ATXN10: variants seen among roughly 807,000 people sequenced by gnomAD.
ATXN10 encodes ataxin 10, also known as ataxin-10.
In ATXN10, 28 loss-of-function variants were observed where a neutral mutation model predicts 52.9. The ratio of observed to expected loss-of-function variants is 0.53; its 90% CI spans 0.39 to 0.73. ATXN10 has a LOEUF of 0.73. Ranked by LOEUF, ATXN10 falls within the 30% of genes least tolerant of loss-of-function variation. The pLI, the probability that ATXN10 is intolerant of heterozygous loss-of-function variation, is 0.00. For missense variants in ATXN10, 565 were observed against 577.0 expected (o/e 0.98, Z 0.21); for synonymous variants, 226 against 221.5 (o/e 1.02, Z -0.18).
chr22:45,789,630 G>A lies in ATXN10; in HGVS notation c.1174-17329G>A, dbSNP rs1425454768. ...GTTAATACAGCTCTCTCCACGACAAGAAGAAGAGAGGGAGAGCCTTCTAAC... is the reference window on the plus strand; with the variant it reads ...GTTAATACAGCTCTCTCCACGACAAAAAGAAGAGAGGGAGAGCCTTCTAAC... On this transcript the variant is annotated intron_variant, in intron 9 of 11. Coordinates refer to ENST00000252934, the MANE Select transcript of ATXN10 (RefSeq NM_013236.4). This position sits in a 1 kb window ranked among gnomAD's most constrained non-coding sequence, Gnocchi z 4.0. Among the ~76,000 whole-genome samples the A allele has an allele frequency of 3.3e-5, 5 of 152,208 alleles. No individual in the cohort carries two copies. Among genetic ancestry groups the A allele is most frequent in the Non-Finnish European group, 7.3e-5 (5 of 68,034 alleles).
chr22:45,720,316 CTTT>C (rs75983888), intron 6 of ATXN10, among the ~76,000 whole-genome samples: 1 of 140,876 alleles, frequency 7.1e-6, no homozygotes, highest in Non-Finnish European at 1.6e-5. Flanking sequence ...CTATTGTAAC[CTTT>C]TTTTTTTTTT....
At chr22:45,692,961 A>G in intron 2 of ATXN10, 35 bp from the exon 3 acceptor site, 1 of 1,568,616 alleles carries the variant, frequency 6.4e-7, no homozygotes, top group South Asian at 1.1e-5. Flanking sequence ...TGAATGAATG[A>G]ACATGTCTAA....
rs561684516 is a variant in ATXN10 at position 45,690,742 on chromosome 22, C to A, written c.308+839C>A. 5.9e-5 allele frequency among the ~76,000 whole-genome samples: 9 copies of A among 152,332 alleles called. No individual in the cohort carries two copies. The highest frequency in any genetic ancestry group is 2.2e-4 in the African/African-American group (9 of 41,584). On this transcript the variant is annotated intron_variant, in intron 2 of 11. Transcript: ENST00000252934. This position sits in a 1 kb window ranked among gnomAD's most constrained non-coding sequence, Gnocchi z 4.5. ...TTTTTAAAAGTAGTTAAAACATGAGCAGGCGAGCTGTCCAGTGCTCTTCTT... is the reference window on the plus strand; with the variant it reads ...TTTTTAAAAGTAGTTAAAACATGAGAAGGCGAGCTGTCCAGTGCTCTTCTT...
chr22:45,722,313 T>C (rs1601606396), intron 6 of ATXN10, among the ~76,000 whole-genome samples: 1 of 152,178 alleles, frequency 6.6e-6, no homozygotes, highest in Non-Finnish European at 1.5e-5. Flanking sequence ...GAGTGTCTGG[T>C]AGGGAGACCC....
rs1322316595 is a variant in ATXN10, at chr22:45,789,070, A to G, written c.1174-17889A>G. On this transcript the variant is annotated intron_variant, in intron 9 of 11. Transcript: ENST00000252934. The surrounding 1 kb of genome is among the most constrained non-coding windows in gnomAD (Gnocchi z 4.0). Reference sequence around the variant, plus strand: ...AGCTCCCCAGGAGATGCAGATTGACAGTAAGGATGGAAAGTCACTGCTCTG... The same window carrying G: ...AGCTCCCCAGGAGATGCAGATTGACGGTAAGGATGGAAAGTCACTGCTCTG... Among the ~76,000 whole-genome samples the G allele has an allele frequency of 6.6e-6, 1 of 152,120 alleles. No homozygotes were observed. Among genetic ancestry groups the G allele is most frequent in the Non-Finnish European group, 1.5e-5 (1 of 68,008 alleles).
intron 9 of ATXN10, among the ~76,000 whole-genome samples, chr22:45,748,104 A>G (rs1373818345): frequency 2.6e-5 from 4 of 151,890 alleles, no homozygotes; most frequent in Non-Finnish European, 4.4e-5. Context: ...GATTGAGCTC[A>G]GTAGGTCGAG....
rs935032142 is a variant in ATXN10 at position 45,688,837 on chromosome 22, G to A, written c.117-875G>A. ...CCAATGTGGCAACTTTCCTTCTAAC[G>A]TTAAAAGAGATTTGCTGTTTCTTTA... On this transcript the variant is annotated intron_variant, in intron 1 of 11. Transcript: ENST00000252934. The surrounding 1 kb of genome is among the most constrained non-coding windows in gnomAD (Gnocchi z 4.0). Among the ~76,000 whole-genome samples the A allele has an allele frequency of 8.5e-5, 13 of 152,192 alleles. No homozygotes were observed. Among genetic ancestry groups the A allele is most frequent in the African/African-American group, 9.6e-5 (4 of 41,462 alleles).
chr22:45,772,459 A>G lies in ATXN10; in HGVS notation c.1173+31921A>G, dbSNP rs567662476. 1.4e-4 allele frequency among the ~76,000 whole-genome samples: 21 copies of G among 152,270 alleles called. No homozygotes were observed. Among genetic ancestry groups the G allele is most frequent in the African/African-American group, 4.1e-4 (17 of 41,550 alleles). On this transcript the variant is annotated intron_variant, in intron 9 of 11. Transcript: ENST00000252934. The surrounding 1 kb of genome is among the most constrained non-coding windows in gnomAD (Gnocchi z 4.1). ...GTGCCTGTCTCTTCACCATTACAAC[A>G]TTGTCTTTATTACTGTCAATTTACA...
At chr22:45,721,963 G>A (rs2238826) in intron 6 of ATXN10, among the ~76,000 whole-genome samples, 12,795 of 152,154 alleles carry the variant, frequency 0.084, 667 homozygotes, top group Middle Eastern at 0.16. Flanking sequence ...TAATTTTAAG[G>A]CAGACTATGT....
In ATXN10 at chr22:45,740,717, C is replaced by CACACACAT. The variant is rs1197717038; in HGVS notation, c.1173+182_1173+183insCACATACA. ...ACACACACACACACACACACACACA[C>CACACACAT]ACATATATATACACACACACACGTG... On this transcript the variant is annotated intron_variant, in intron 9 of 11. Transcript: ENST00000252934. The CACACACAT allele has an allele frequency of 1.5e-3, 614 of 406,610 alleles. 7 individuals are homozygous for CACACACAT. The highest frequency in any genetic ancestry group is 0.014 in the African/African-American group (577 of 41,894). 25.2% of individuals were successfully genotyped at this position (406,610 alleles called of 1,614,324 possible).
chr22:45,803,598 C>T (rs1927999944), intron 9 of ATXN10, among the ~76,000 whole-genome samples: 1 of 152,204 alleles, frequency 6.6e-6, no homozygotes, highest in Non-Finnish European at 1.5e-5. Flanking sequence ...TCTTTCCTCT[C>T]AGTGACACTT....
In ATXN10 at chr22:45,754,705, A is replaced by G. The variant is rs573093814; in HGVS notation, c.1173+14167A>G. ...CCGACTCTACTAAAAATACAAAAAA[A>G]TTAGCCAGATATGGTGGCTCATGCC... On this transcript the variant is annotated intron_variant, in intron 9 of 11. Coordinates refer to ENST00000252934, the MANE Select transcript of ATXN10 (RefSeq NM_013236.4). The surrounding 1 kb of genome is among the most constrained non-coding windows in gnomAD (Gnocchi z 5.4). 3.9e-5 allele frequency among the ~76,000 whole-genome samples: 6 copies of G among 152,212 alleles called. No homozygotes were observed. The highest frequency in any genetic ancestry group is 8.8e-5 in the Non-Finnish European group (6 of 68,036).
At position 45,825,518 on chromosome 22, in the gene ATXN10, AAAT is replaced by A. The variant is rs139277087; in HGVS notation, c.1238-17460_1238-17458del. On this transcript the variant is annotated intron_variant, in intron 10 of 11. Coordinates refer to ENST00000252934, the MANE Select transcript of ATXN10 (RefSeq NM_013236.4). This position sits in a 1 kb window ranked among gnomAD's most constrained non-coding sequence, Gnocchi z 4.5. The stretch of plus-strand genomic sequence containing the variant: ...ACAGAGACAGCCTGCAACAATCCAG[AAAT>A]AATAATAATAATGAACAGTAACAAA... 6.6e-6 allele frequency among the ~76,000 whole-genome samples: 1 copy of A among 152,224 alleles called. No individual in the cohort carries two copies. The highest frequency in any genetic ancestry group is 1.9e-4 in the East Asian group (1 of 5,184).
In ATXN10 at chr22:45,780,086, C is replaced by CT. The variant is rs135993; in HGVS notation, c.1174-26858dup. ...CAAACAAAAAGGCAGACTGCATCAT[C>CT]TTTTTTTTTTTTTTTGAGACGGAGT... is the stretch of plus-strand genomic sequence containing the variant. On this transcript the variant is annotated intron_variant, in intron 9 of 11. Transcript: ENST00000252934. The surrounding 1 kb of genome is among the most constrained non-coding windows in gnomAD (Gnocchi z 4.0). Among the ~76,000 whole-genome samples, 20 of 138,632 alleles carry CT rather than the reference C, an allele frequency of 1.4e-4. No individual in the cohort carries two copies. The highest frequency in any genetic ancestry group is 2.7e-4 in the Non-Finnish European group (17 of 63,216). 90.9% of individuals were successfully genotyped at this position (138,632 alleles called of 152,430 possible).
At position 45,795,292 on chromosome 22, in the gene ATXN10, C is replaced by G. The variant is rs1186232827; in HGVS notation, c.1174-11667C>G. Among the ~76,000 whole-genome samples the G allele has an allele frequency of 6.6e-6, 1 of 152,074 alleles. No homozygotes were observed. The highest frequency in any genetic ancestry group is 2.4e-5 in the African/African-American group (1 of 41,402). On this transcript the variant is annotated intron_variant, in intron 9 of 11. Coordinates refer to ENST00000252934, the MANE Select transcript of ATXN10 (RefSeq NM_013236.4). The surrounding 1 kb of genome is among the most constrained non-coding windows in gnomAD (Gnocchi z 4.6). ...CAGATGGCAGAATGATAAACTCAAT[C>G]ATGTTGATAAATATATTAAATGTAA...
rs996947515 is a variant in ATXN10, at chr22:45,825,922, C to T, written c.1238-17069C>T. On this transcript the variant is annotated intron_variant, in intron 10 of 11. Transcript: ENST00000252934. This position sits in a 1 kb window ranked among gnomAD's most constrained non-coding sequence, Gnocchi z 4.5. ...CATCTCTACAAAAATTAGCCCCAGGCGTGGTGGTGTGCACCTGTAGTCCCA... is the reference window on the plus strand; with the variant it reads ...CATCTCTACAAAAATTAGCCCCAGGTGTGGTGGTGTGCACCTGTAGTCCCA... Among the ~76,000 whole-genome samples the T allele has an allele frequency of 6.6e-6, 1 of 151,992 alleles. No individual in the cohort carries two copies. Among genetic ancestry groups the T allele is most frequent in the Non-Finnish European group, 1.5e-5 (1 of 67,992 alleles).
At position 45,696,410 on chromosome 22, in the gene ATXN10, AG is replaced by A. The variant is rs1225741513; in HGVS notation, c.391+3334del. ...GAGCTGCTGTGCTGTGGTGGGCGGAAGGAGGTTTCTCTTTTAATGATATATG... is the reference window on the plus strand; with the variant it reads ...GAGCTGCTGTGCTGTGGTGGGCGGAAGAGGTTTCTCTTTTAATGATATATG... On this transcript the variant is annotated intron_variant, in intron 3 of 11. Coordinates refer to ENST00000252934, the MANE Select transcript of ATXN10 (RefSeq NM_013236.4). This position sits in a 1 kb window ranked among gnomAD's most constrained non-coding sequence, Gnocchi z 4.7. Among the ~76,000 whole-genome samples the A allele has an allele frequency of 6.6e-6, 1 of 152,202 alleles. No individual in the cohort carries two copies. The highest frequency in any genetic ancestry group is 1.5e-5 in the Non-Finnish European group (1 of 68,032).
chr22:45,771,671 G>C (rs135985), intron 9 of ATXN10, among the ~76,000 whole-genome samples: 132,911 of 152,172 alleles, frequency 0.87, 58,349 homozygotes, highest in African/African-American at 0.96. Flanking sequence ...CCCACCTCGA[G>C]CTCCCAAAGT....
At position 45,732,216 on chromosome 22, in the gene ATXN10, C is replaced by T. The variant is rs376535950; in HGVS notation, c.894+2626C>T. The stretch of plus-strand genomic sequence containing the variant: ...CCCGTAATCCCAATACTTTGGGACG[C>T]CAAGGCGTGGGAGGATTGCTTAAGC... On this transcript the variant is annotated intron_variant, in intron 7 of 11. Coordinates refer to ENST00000252934, the MANE Select transcript of ATXN10 (RefSeq NM_013236.4). This position sits in a 1 kb window ranked among gnomAD's most constrained non-coding sequence, Gnocchi z 4.5. Among the ~76,000 whole-genome samples the T allele has an allele frequency of 4.3e-4, 66 of 152,148 alleles. 1 individual carries two copies. The highest frequency in any genetic ancestry group is 1.4e-3 in the African/African-American group (58 of 41,492).
Sources: allele counts gnomAD v4.1 joint callset (sites outside exome capture counted in the v4.1 genomes callset), GRCh38; gene constraint gnomAD v4.1.1; non-coding constraint Gnocchi (gnomAD v3.1); transcripts MANE v1.5; gene names NCBI Gene and HGNC (gene_info 2026-07-23, HGNC 2026-07-21).